SP6: variants seen among roughly 807,000 people sequenced by gnomAD.
SP6 encodes transcription factor Sp6.
SP6 carries 10 observed loss-of-function variants against 23.4 expected under a neutral mutation model. The observed-to-expected ratio is 0.43, with a 90% confidence interval of 0.26 to 0.72. SP6 has a LOEUF of 0.72. Among genes scored for constraint, SP6 ranks in the 30% least tolerant of loss-of-function variants. The pLI is 0.23. For missense variants in SP6, 482 were observed against 523.8 expected (o/e 0.92, Z 0.78); for synonymous variants, 238 against 238.7 (o/e 1.00, Z 0.03).
chr17:47,850,047 A>T (rs1443937924), intron 1 of SP6, among the ~76,000 whole-genome samples: 1 of 152,132 alleles, frequency 6.6e-6, no homozygotes, highest in African/African-American at 2.4e-5. Context: ...CCACAAGAGG[A>T]AAACAGGGTG....
At chr17:47,874,819 A>G in the SP6 span, among the ~76,000 whole-genome samples, 1 of 152,086 alleles carries the variant, frequency 6.6e-6, no homozygotes, top group Non-Finnish European at 1.5e-5. Context: ...TTTCCAGTAT[A>G]TTGTAGCTCT....
chr17:47,863,725 C>A, the SP6 span, among the ~76,000 whole-genome samples: 2 of 145,610 alleles, frequency 1.4e-5, no homozygotes, highest in Admixed American at 1.4e-4. Flanking sequence ...TGTGCCACCA[C>A]GCCTAATTTT....
chr17:47,861,784 A>T, the SP6 span, among the ~76,000 whole-genome samples: 1 of 152,020 alleles, frequency 6.6e-6, no homozygotes, highest in African/African-American at 2.4e-5. Flanking sequence ...GGTGGCTCAC[A>T]CCTATAATCC....
At chr17:47,873,925 TCTTC>T in the SP6 span, among the ~76,000 whole-genome samples, 1 of 149,746 alleles carries the variant, frequency 6.7e-6, no homozygotes, top group Non-Finnish European at 1.5e-5. Context: ...TCCTTCTTCT[TCTTC>T]CTTCTCTTCT....
the SP6 span, among the ~76,000 whole-genome samples, chr17:47,873,362 GA>G: frequency 1.3e-5 from 2 of 152,144 alleles, no homozygotes; most frequent in African/African-American, 4.8e-5. Flanking sequence ...TACAGATGGG[GA>G]AAAAGAGGCC....
At chr17:47,874,495 C>T in the SP6 span, among the ~76,000 whole-genome samples, 1 of 152,066 alleles carries the variant, frequency 6.6e-6, no homozygotes, top group Non-Finnish European at 1.5e-5. Flanking sequence ...CTGCTTGAGC[C>T]CAGGAGTTCG....
chr17:47,847,426 G>A lies in SP6; in HGVS notation c.1004C>T (p.Thr335Ile), dbSNP rs768883946. ...CGCCTCCTCCTTGGCGCCCTCGTGG[G>A]TTTTCATGTGCTTGGCCAGGTGGTC... is the stretch of plus-strand genomic sequence containing the variant. ...RSDHLAKHMKTHEGAKEEAAG... is the reference protein window; with the variant it reads ...RSDHLAKHMKIHEGAKEEAAG... Residue 335 changes from threonine (T) to isoleucine (I), a missense_variant, in exon 2 of 2, where the codon ACC (threonine) becomes ATC (isoleucine). By Grantham distance (89) the Thr-to-Ile change is moderately conservative (BLOSUM62 -1). Around this residue, in one of 3 missense-constraint regions of SP6, gnomAD observed 101 missense variants for 99.3 expected, o/e 1.02. Transcript: ENST00000536300. The A allele has an allele frequency of 9.9e-6, 16 of 1,613,532 alleles. No individual in the cohort carries two copies. In the African/African-American group the frequency reaches 1.7e-4, roughly 17 times the overall value.
In SP6 at chr17:47,845,375, A is replaced by C. The variant is rs561847564; in HGVS notation, c.*1924T>G. Reference sequence around the variant, plus strand: ...CCCAACCCTCTCAGCAAGGAAGGGGATCTCTGGTTGGGTTAGCAGGAGGTA... The same window carrying C: ...CCCAACCCTCTCAGCAAGGAAGGGGCTCTCTGGTTGGGTTAGCAGGAGGTA... On this transcript the variant is annotated 3_prime_UTR_variant, in exon 2 of 2. Transcript: ENST00000536300. 17 of 152,318 alleles carry C rather than the reference A, an allele frequency of 1.1e-4. 1 individual carries two copies. The highest frequency in any genetic ancestry group is 4.1e-4 in the African/African-American group (17 of 41,554). 9.4% of individuals were successfully genotyped at this position (152,318 alleles called of 1,614,324 possible). A position where few individuals can be genotyped will look rare whatever the true frequency, so the allele number is the denominator to read the frequency against.
At chr17:47,857,424 A>G (rs931482005), upstream of SP6, among the ~76,000 whole-genome samples, 6 of 152,248 alleles carry the variant, frequency 3.9e-5, no homozygotes, top group East Asian at 1.9e-4. Context: ...TTATAAGGTG[A>G]GCATACAAAT....
At chr17:47,875,159 C>T in the SP6 span, among the ~76,000 whole-genome samples, 1 of 152,226 alleles carries the variant, frequency 6.6e-6, no homozygotes, top group Non-Finnish European at 1.5e-5. Flanking sequence ...CCACCCTCAT[C>T]CCTCTCCAGG....
At chr17:47,874,540 C>T in the SP6 span, among the ~76,000 whole-genome samples, 1 of 152,156 alleles carries the variant, frequency 6.6e-6, no homozygotes, top group East Asian at 1.9e-4. Context: ...GACCTCCTTT[C>T]TAAAAGAAGA....
the SP6 span, among the ~76,000 whole-genome samples, chr17:47,875,644 C>T: frequency 2.0e-5 from 3 of 152,228 alleles, no homozygotes; most frequent in Non-Finnish European, 2.9e-5. Context: ...GAGGAATCAA[C>T]GTCTGGAAGA....
chr17:47,852,682 G>A (rs1273335495), upstream of SP6, among the ~76,000 whole-genome samples: 1 of 152,086 alleles, frequency 6.6e-6, no homozygotes, highest in East Asian at 1.9e-4. Context: ...GCATAAGCGG[G>A]GTGAAAATCA....
rs763381595 is a variant in SP6, at chr17:47,847,981, G to T, written c.449C>A (p.Ala150Glu). The change falls in exon 2 of 2, where the codon GCG (alanine) becomes GAG (glutamate). Residue 150 changes from alanine to glutamate, a missense_variant. By Grantham distance (107) the Ala-to-Glu change is moderately radical. Transcript: ENST00000536300. ...TSPGHPGALQ[A>E]GLGGYVGDHQ... ...GTCTCCGACGTAGCCCCCCAAGCCC[G>T]CCTGAAGCGCCCCCGGGTGGCCAGG... is the stretch of plus-strand genomic sequence containing the variant. The T allele has an allele frequency of 4.4e-6, 7 of 1,589,212 alleles. No homozygotes were observed. Among genetic ancestry groups the T allele is most frequent in the Middle Eastern group, 1.7e-4 (1 of 5,932 alleles).
rs2033923249 is a variant in SP6 at position 47,848,599 on chromosome 17, A to C, written c.-57-113T>G. On this transcript the variant is annotated intron_variant, in intron 1 of 1. Coordinates refer to ENST00000536300, the MANE Select transcript of SP6 (RefSeq NM_001258248.2). The surrounding 1 kb of genome is among the most constrained non-coding windows in gnomAD (Gnocchi z 5.3). ...TAAAAGAAGGATGCACCTCTGAACG[A>C]GGACTAGAGATGAGTTTAGAGAATT... 2 of 610,364 alleles carry C rather than the reference A, an allele frequency of 3.3e-6. No homozygotes were observed. Among genetic ancestry groups the C allele is most frequent in the East Asian group, 5.9e-5 (2 of 34,024 alleles). The allele number at this position is 610,364 out of a possible 1,614,324, so 37.8% of individuals were successfully genotyped here. A position where few individuals can be genotyped will look rare whatever the true frequency, so the allele number is the denominator to read the frequency against.
chr17:47,865,705 TG>T, the SP6 span, among the ~76,000 whole-genome samples: 5 of 152,108 alleles, frequency 3.3e-5, no homozygotes, highest in African/African-American at 9.7e-5. Flanking sequence ...TTTATGACAC[TG>T]GGTTGCTCCA....
At chr17:47,851,362 C>G (rs930349657), upstream of SP6, among the ~76,000 whole-genome samples, 5 of 152,210 alleles carry the variant, frequency 3.3e-5, no homozygotes, top group African/African-American at 1.2e-4. Flanking sequence ...CTGGTCCCCT[C>G]CACTCCCAGG....
At chr17:47,873,188 A>G in the SP6 span, among the ~76,000 whole-genome samples, 2 of 152,202 alleles carry the variant, frequency 1.3e-5, no homozygotes, top group African/African-American at 4.8e-5. Context: ...CATATTTGGA[A>G]GAAGGCCAGG....
At chr17:47,860,244 A>G (rs1480784884), upstream of SP6, among the ~76,000 whole-genome samples, 1 of 152,186 alleles carries the variant, frequency 6.6e-6, no homozygotes, top group Non-Finnish European at 1.5e-5. Context: ...ATGAGCTCCT[A>G]TGGATCTTTT....
Sources: gnomAD v4.1 joint callset for allele counts (sites outside exome capture counted in the v4.1 genomes callset) on GRCh38, gnomAD v4.1.1 for gene constraint, gnomAD v4.1.1 regional missense constraint, Gnocchi (gnomAD v3.1) non-coding constraint, MANE v1.5 for transcripts, NCBI Gene and HGNC (gene_info 2026-07-23, HGNC 2026-07-21) for gene names.